The following BRPF3 variants were observed in gnomAD, a reference collection of about 807,000 sequenced individuals.
BRPF3 encodes the protein bromodomain and PHD finger containing 3.
In BRPF3, 18 loss-of-function variants were observed where a neutral mutation model predicts 102.0. The ratio of observed to expected loss-of-function variants is 0.18; its 90% CI spans 0.12 to 0.26. BRPF3 has a LOEUF of 0.26. BRPF3 is among the 10% of genes least tolerant of loss of function. The pLI, the probability that BRPF3 is intolerant of heterozygous loss-of-function variation, is 1.00. For missense variants in BRPF3, 1,147 were observed against 1,567.8 expected (o/e 0.73, Z 4.53); for synonymous variants, 570 against 614.2 (o/e 0.93, Z 1.06).
In BRPF3 at chr6:36,232,131, C is replaced by T. The variant is rs1490868333; in HGVS notation, c.*1522C>T. 1 of 152,586 alleles carries T rather than the reference C, an allele frequency of 6.6e-6. No homozygotes were observed. The highest frequency in any genetic ancestry group is 6.5e-5 in the Admixed American group (1 of 15,276). The allele number at this position is 152,586 out of a possible 1,614,324, so 9.5% of individuals were successfully genotyped here. A position where few individuals can be genotyped will look rare whatever the true frequency, so the allele number is the denominator to read the frequency against. On this transcript the variant is annotated 3_prime_UTR_variant, in exon 13 of 13. Coordinates refer to ENST00000357641, the MANE Select transcript of BRPF3 (RefSeq NM_015695.3). ...CATGAGCCAGAGTTTAAAAGGGAAC[C>T]AACAAAACACTATAACTTAAAAGGA...
rs764637264 is a variant in BRPF3, at chr6:36,210,564, A to G, written c.2179+36A>G. The G allele has an allele frequency of 4.0e-5, 62 of 1,545,090 alleles. No individual in the cohort carries two copies. Among genetic ancestry groups the G allele is most frequent in the Admixed American group, 3.3e-4 (18 of 54,302 alleles). On this transcript the variant is annotated intron_variant, in intron 6 of 12. Coordinates refer to ENST00000357641, the MANE Select transcript of BRPF3 (RefSeq NM_015695.3). The surrounding 1 kb of genome is among the most constrained non-coding windows in gnomAD (Gnocchi z 4.7). ...TGGATGGGTGGGGAGGAGAGGGGCCAGGAGGAGGCACAGGAACAGAGTCTA... is the reference window on the plus strand; with the variant it reads ...TGGATGGGTGGGGAGGAGAGGGGCCGGGAGGAGGCACAGGAACAGAGTCTA...
intron 8 of BRPF3, 116 bp downstream of exon 8, chr6:36,214,502 T>A: frequency 7.9e-7 from 1 of 1,258,158 alleles, no homozygotes; most frequent in Non-Finnish European, 1.1e-6. Context: ...ACAGCAATAG[T>A]AGCATTGAGG....
At position 36,201,063 on chromosome 6, in the gene BRPF3, A is replaced by T. The variant is rs1454701556; in HGVS notation, c.741A>T (p.Pro247=). 1 of 1,614,066 alleles carries T rather than the reference A, an allele frequency of 6.2e-7. No individual in the cohort carries two copies. Among genetic ancestry groups the T allele is most frequent in the Non-Finnish European group, 8.5e-7 (1 of 1,180,018 alleles). ...TACACCAGGAGTGCTATGGCGTCCC[A>T]TACATCCCTGAGGGCCAGTGGCTAT... ...LAVHQECYGV[P]YIPEGQWLCR... is the part of the protein sequence containing the mutation. Residue 247 remains proline (P), a synonymous_variant, in exon 2 of 13, where the codon CCA becomes CCT. Coordinates refer to ENST00000357641, the MANE Select transcript of BRPF3 (RefSeq NM_015695.3). This position sits in a 1 kb window ranked among gnomAD's most constrained non-coding sequence, Gnocchi z 5.1.
chr6:36,217,764 TTC>T, intron 8 of BRPF3, among the ~76,000 whole-genome samples, 151 bp from the exon 9 acceptor site: 1 of 152,176 alleles, frequency 6.6e-6, no homozygotes, highest in Admixed American at 6.5e-5. Context: ...TGATCAGATC[TTC>T]TCTATCACCC....
intron 9 of BRPF3, among the ~76,000 whole-genome samples, chr6:36,219,342 C>T (rs910885829): frequency 2.7e-4 from 41 of 152,222 alleles, no homozygotes; most frequent in African/African-American, 9.2e-4. Flanking sequence ...TTATCAGGCA[C>T]AGGAAAGAGA....
chr6:36,208,483 A>G (rs987088815), intron 4 of BRPF3, among the ~76,000 whole-genome samples: 17 of 148,298 alleles, frequency 1.1e-4, no homozygotes, highest in African/African-American at 3.9e-4. Context: ...AAAAAGGGGA[A>G]AAAAAAAAGA....
Position 36,196,813 on chromosome 6 carries a change from CG to C in BRPF3, c.-180del, listed in dbSNP as rs1561813591. ...CCGGGAGCGGCGGCGGCGGCCGGGC[CG>C]GGGCCCCAGCGCGGGCCGGGAGGGG... On this transcript the variant is annotated 5_prime_UTR_variant, in exon 1 of 13. Coordinates refer to ENST00000357641, the MANE Select transcript of BRPF3 (RefSeq NM_015695.3). The C allele has an allele frequency of 2.0e-5, 3 of 151,878 alleles. No individual in the cohort carries two copies. The highest frequency in any genetic ancestry group is 1.3e-4 in the Admixed American group (2 of 15,066). The allele number at this position is 151,878 out of a possible 1,614,324, so 9.4% of individuals were successfully genotyped here.
Position 36,231,632 on chromosome 6 carries a change from A to G in BRPF3, c.*1023A>G, listed in dbSNP as rs553587240. Reference sequence around the variant, plus strand: ...TTAAGCTTCACTCTCCACCACCTGGATGGCATGGCGCCTGCCACCAAACAT... The same window carrying G: ...TTAAGCTTCACTCTCCACCACCTGGGTGGCATGGCGCCTGCCACCAAACAT... On this transcript the variant is annotated 3_prime_UTR_variant, in exon 13 of 13. Coordinates refer to ENST00000357641, the MANE Select transcript of BRPF3 (RefSeq NM_015695.3). The G allele has an allele frequency of 3.9e-5, 6 of 152,406 alleles. No homozygotes were observed. In the East Asian group the frequency reaches 1.2e-3, roughly 29 times the overall value. The allele number at this position is 152,406 out of a possible 1,614,324, so 9.4% of individuals were successfully genotyped here.
intron 10 of BRPF3, 131 bp downstream of exon 10, chr6:36,222,396 G>A (rs1768581161): frequency 1.2e-5 from 9 of 736,420 alleles, no homozygotes; most frequent in Middle Eastern, 7.8e-4. Context: ...TTGGGCCCTT[G>A]GGCAGGGAGA....
At chr6:36,198,656 G>A (rs749343380) in intron 1 of BRPF3, among the ~76,000 whole-genome samples, 2 of 152,164 alleles carry the variant, frequency 1.3e-5, no homozygotes, top group African/African-American at 2.4e-5. Flanking sequence ...TATTATCACC[G>A]TCTCTACTTT....
rs1768965161 is a variant in BRPF3 at position 36,232,397 on chromosome 6, C to G, written c.*1788C>G. 6.6e-6 allele frequency: 1 copy of G among 152,410 alleles called. No individual in the cohort carries two copies. The highest frequency in any genetic ancestry group is 1.5e-5 in the Non-Finnish European group (1 of 68,046). The allele number at this position is 152,410 out of a possible 1,614,324, so 9.4% of individuals were successfully genotyped here. On this transcript the variant is annotated 3_prime_UTR_variant, in exon 13 of 13. Coordinates refer to ENST00000357641, the MANE Select transcript of BRPF3 (RefSeq NM_015695.3). ...TTTGTCTAAACCTGTGTTGTAAGAT[C>G]TTGGGACTTCCTCTCTTTCTATGTC...
intron 10 of BRPF3, among the ~76,000 whole-genome samples, chr6:36,223,969 C>G (rs2127295938): frequency 6.6e-6 from 1 of 152,324 alleles, no homozygotes; most frequent in South Asian, 2.1e-4. Flanking sequence ...AGTTTCTACT[C>G]AGTCTACCTC....
At chr6:36,220,736 G>A (rs1768505925) in intron 9 of BRPF3, among the ~76,000 whole-genome samples, 1 of 152,074 alleles carries the variant, frequency 6.6e-6, no homozygotes, top group African/African-American at 2.4e-5. Flanking sequence ...ATGTAAACTG[G>A]GTATTTTTTG....
Position 36,214,081 on chromosome 6 carries a change from T to C in BRPF3, c.2684T>C (p.Leu895Ser), listed in dbSNP as rs774614595. Residue 895 changes from leucine to serine, a missense_variant, in exon 8 of 13, where the codon TTG (leucine) becomes TCG (serine). By Grantham distance (145) the Leu-to-Ser change is moderately radical. Coordinates refer to ENST00000357641, the MANE Select transcript of BRPF3 (RefSeq NM_015695.3). ...KSPLQLGNEPLQRLLSDNGIN... is the reference protein window; with the variant it reads ...KSPLQLGNEPSQRLLSDNGIN... ...CCACTGCAGCTAGGGAATGAGCCTT[T>C]GCAACGCTTGCTCAGTGACAATGGC... is the stretch of plus-strand genomic sequence containing the variant. The C allele has an allele frequency of 6.8e-6, 11 of 1,614,056 alleles. No individual in the cohort carries two copies. In the East Asian group the frequency reaches 8.9e-5, roughly 13 times the overall value.
chr6:36,209,531 T>C (rs1412125537), intron 4 of BRPF3, among the ~76,000 whole-genome samples: 2 of 152,220 alleles, frequency 1.3e-5, no homozygotes, highest in Non-Finnish European at 2.9e-5. Context: ...ATGATTATAA[T>C]TGTAATGATA....
chr6:36,217,098 T>C (rs972222063), intron 8 of BRPF3, among the ~76,000 whole-genome samples: 1 of 152,218 alleles, frequency 6.6e-6, no homozygotes, highest in African/African-American at 2.4e-5. Flanking sequence ...CAAGGTCATA[T>C]ACCTGGGATG....
intron 2 of BRPF3, among the ~76,000 whole-genome samples, chr6:36,202,216 G>T (rs931982246): frequency 6.6e-6 from 1 of 152,116 alleles, no homozygotes; most frequent in Non-Finnish European, 1.5e-5. Flanking sequence ...AAAACCCTTG[G>T]GGAGGGTAGA....
intron 4 of BRPF3, 50 bp downstream of exon 4, chr6:36,207,494 C>T: frequency 6.2e-7 from 1 of 1,603,008 alleles, no homozygotes; most frequent in Non-Finnish European, 8.5e-7. Context: ...CCACTTTCTC[C>T]CACTATTAGT....
In BRPF3 at chr6:36,207,416, G is replaced by A. The variant is rs772785756; in HGVS notation, c.1709G>A (p.Arg570Gln). The change falls in exon 4 of 13, where the codon CGG becomes CAG. Residue 570 changes from arginine to glutamine, a missense_variant. Physicochemically the swap from Arg to Gln is conservative, Grantham distance 43. Around this residue, in one of 11 missense-constraint regions of BRPF3, gnomAD observed 23 missense variants for 54.4 expected, o/e 0.42. Coordinates refer to ENST00000357641, the MANE Select transcript of BRPF3 (RefSeq NM_015695.3). ...ERARLLIELI[R>Q]KREKLKREQV... ...GCGCGGCTGCTGATTGAGCTGATTC[G>A]GAAGAGAGAGAAGCTCAAACGAGAG... 4.3e-6 allele frequency: 7 copies of A among 1,614,026 alleles called. No homozygotes were observed. The highest frequency in any genetic ancestry group is 5.1e-6 in the Non-Finnish European group (6 of 1,179,942).
Sources: gnomAD v4.1 joint callset for allele counts (sites outside exome capture counted in the v4.1 genomes callset) on GRCh38, gnomAD v4.1.1 for gene constraint, gnomAD v4.1.1 regional missense constraint, Gnocchi (gnomAD v3.1) non-coding constraint, MANE v1.5 for transcripts, NCBI Gene and HGNC (gene_info 2026-07-23, HGNC 2026-07-21) for gene names.